Variants in PCDH15 observed in about 807,000 individuals in gnomAD.
PCDH15 encodes protocadherin-15.
PCDH15 carries 129 observed loss-of-function variants against 178.5 expected under a neutral mutation model. The observed-to-expected ratio is 0.72, with a 90% CI of 0.63 to 0.84. The LOEUF is 0.84. PCDH15 is among the 40% of genes least tolerant of loss of function. The probability of loss-of-function intolerance (pLI) is 0.00; values close to 1 mark genes in which losing one functional copy is unlikely to be tolerated. For missense variants in PCDH15, 2,230 were observed against 2,099.9 expected, an observed-to-expected ratio of 1.06 and a Z score of -1.21; for synonymous variants, 800 against 732.0, an observed-to-expected ratio of 1.09 and a Z score of -1.50.
rs73240405 is a variant in PCDH15, at chr10:53,872,855, A to G, written c.3502-5998T>C. On this transcript the variant is annotated intron_variant, in intron 26 of 37. Coordinates refer to ENST00000644397, the MANE Select transcript of PCDH15 (RefSeq NM_001384140.1). ...GTGAGATCTCTCAGCTTTTCATCAC[A>G]TAACTAAAAAAGTACCTATATCTGT... Among the ~76,000 whole-genome samples the G allele has an allele frequency of 5.1e-3, 781 of 152,282 alleles. 8 individuals are homozygous for G. The highest frequency in any genetic ancestry group is 0.018 in the African/African-American group (731 of 41,540).
intron 1 of PCDH15, among the ~76,000 whole-genome samples, chr10:54,758,835 A>C (rs7895347): frequency 0.077 from 11,797 of 152,282 alleles, 1,503 homozygotes; most frequent in African/African-American, 0.27. Context: ...TTTAAGGCTT[A>C]TCATCAGCAA....
intron 2 of PCDH15, among the ~76,000 whole-genome samples, chr10:54,898,912 T>C (rs1308057948): frequency 6.6e-6 from 1 of 152,188 alleles, no homozygotes; most frequent in Non-Finnish European, 1.5e-5. Flanking sequence ...CGAAATCATA[T>C]ATGGTACAAT....
chr10:54,091,913 C>T (rs139817032), intron 15 of PCDH15, among the ~76,000 whole-genome samples: 332 of 152,226 alleles, frequency 2.2e-3, no homozygotes, highest in African/African-American at 7.6e-3. Flanking sequence ...CTGCTGAAGA[C>T]GGTCATATCT....
At chr10:54,013,787 C>G (rs1457946745) in intron 20 of PCDH15, among the ~76,000 whole-genome samples, 1 of 151,862 alleles carries the variant, frequency 6.6e-6, no homozygotes, top group Admixed American at 6.6e-5. Context: ...CACTAAATGC[C>G]CACATTAAAA....
upstream of PCDH15, among the ~76,000 whole-genome samples, chr10:54,801,721 A>T (rs560102687): frequency 6.6e-6 from 1 of 152,346 alleles, no homozygotes; most frequent in South Asian, 2.1e-4. Flanking sequence ...AAACAAAAAA[A>T]CAATTTCACA....
At chr10:55,402,193 T>C (rs1838087163) in intron 2 of PCDH15, among the ~76,000 whole-genome samples, 1 of 152,096 alleles carries the variant, frequency 6.6e-6, no homozygotes, top group Admixed American at 6.6e-5. Flanking sequence ...TGCTTTGGCA[T>C]GAACCATTGG....
At chr10:54,634,504 T>A (rs964002715) in intron 2 of PCDH15, among the ~76,000 whole-genome samples, 65 of 152,166 alleles carry the variant, frequency 4.3e-4, no homozygotes, top group South Asian at 8.3e-4. Context: ...AAACATGTAT[T>A]TTCATTTTGG....
chr10:55,516,276 G>T (rs1470986259), intron 2 of PCDH15, among the ~76,000 whole-genome samples: 4 of 152,044 alleles, frequency 2.6e-5, no homozygotes, highest in African/African-American at 9.7e-5. Context: ...TTTTGACTTG[G>T]TTCTCATTCT....
At chr10:55,574,942 G>C (rs1329397841) in intron 2 of PCDH15, among the ~76,000 whole-genome samples, 1 of 152,020 alleles carries the variant, frequency 6.6e-6, no homozygotes, top group Non-Finnish European at 1.5e-5. Context: ...GAAAATGTAT[G>C]ATTATTTTCA....
chr10:55,045,405 T>C (rs1050107946), intron 2 of PCDH15, among the ~76,000 whole-genome samples: 4 of 152,200 alleles, frequency 2.6e-5, no homozygotes, highest in Admixed American at 6.6e-5. Context: ...GAAAATCAAA[T>C]AACTTATTCA....
At chr10:54,529,505 T>C (rs2083696262) in intron 2 of PCDH15, among the ~76,000 whole-genome samples, 1 of 151,702 alleles carries the variant, frequency 6.6e-6, no homozygotes, top group African/African-American at 2.4e-5. Flanking sequence ...TTGGAGAAAA[T>C]GAAAAAAAAA....
intron 20 of PCDH15, among the ~76,000 whole-genome samples, chr10:54,013,846 C>G (rs796895233): frequency 1.1e-4 from 17 of 151,974 alleles, no homozygotes; most frequent in African/African-American, 4.1e-4. Context: ...TCTACAGGAA[C>G]TAGAGAAACA....
intron 13 of PCDH15, among the ~76,000 whole-genome samples, chr10:54,170,183 T>C (rs2046734480): frequency 6.7e-6 from 1 of 149,634 alleles, no homozygotes; most frequent in Non-Finnish European, 1.5e-5. Flanking sequence ...CTGTTACCTA[T>C]CTCAGCATAA....
Position 55,095,595 on chromosome 10 carries a change from T to A in PCDH15, c.-80+70981A>T, listed in dbSNP as rs114632600. ...GATATTGTAGAGGTTTTGGAAGAAT[T>A]GTTAACTATTTTACAATTTCCCAGT... On this transcript the variant is annotated intron_variant, in intron 2 of 5. Transcript: ENST00000458638. Among the ~76,000 whole-genome samples the A allele has an allele frequency of 4.5e-3, 684 of 152,148 alleles. 2 individuals carry two copies. The highest frequency in any genetic ancestry group is 0.016 in the African/African-American group (644 of 41,542).
chr10:53,849,207 C>T lies in PCDH15; in HGVS notation c.3806+7968G>A, dbSNP rs536700359. ...CTAAATGTAGCAGCCCTGCCTCATT[C>T]TTTAGTTTTTAATCTTTTTTTTTCT... On this transcript the variant is annotated intron_variant, in intron 28 of 37. Transcript: ENST00000644397. 7.9e-5 allele frequency among the ~76,000 whole-genome samples: 12 copies of T among 152,090 alleles called. 1 individual carries two copies. The Middle Eastern group carries it at 0.027, about 345-fold the overall frequency.
intron 2 of PCDH15, among the ~76,000 whole-genome samples, chr10:54,646,934 C>G (rs1485206713): frequency 6.6e-6 from 1 of 151,940 alleles, no homozygotes; most frequent in Non-Finnish European, 1.5e-5. Context: ...AAAACAAGTT[C>G]TTTAATAAAC....
intron 2 of PCDH15, among the ~76,000 whole-genome samples, chr10:54,562,501 C>T (rs977254860): frequency 6.6e-6 from 1 of 152,046 alleles, no homozygotes; most frequent in South Asian, 2.1e-4. Flanking sequence ...TCATGGCATA[C>T]AAAGTCATGT....
chr10:54,380,123 T>A (rs1949000232), intron 3 of PCDH15, among the ~76,000 whole-genome samples: 1 of 152,088 alleles, frequency 6.6e-6, no homozygotes, highest in East Asian at 1.9e-4. Flanking sequence ...ATCATACTAC[T>A]ACTACCAGTC....
intron 3 of PCDH15, among the ~76,000 whole-genome samples, chr10:54,815,359 T>C (rs1952932114): frequency 6.6e-6 from 1 of 152,112 alleles, no homozygotes; most frequent in African/African-American, 2.4e-5. Context: ...CATGGCACCA[T>C]TCACAGTTAA....
Sources: gnomAD v4.1 joint callset for allele counts (sites outside exome capture counted in the v4.1 genomes callset) on GRCh38, gnomAD v4.1.1 for gene constraint, MANE v1.5 for transcripts, NCBI Gene and HGNC (gene_info 2026-07-23, HGNC 2026-07-21) for gene names.